SLC30A8: variants seen among roughly 807,000 people sequenced by gnomAD.
SLC30A8 encodes solute carrier family 30 member 8.
Under a neutral mutation model 36.9 loss-of-function variants are expected in SLC30A8, and 27 were observed. The observed-to-expected ratio is 0.73, with a 90% CI of 0.54 to 1.01. The LOEUF is 1.01. SLC30A8 is among the 50% of genes least tolerant of loss of function. SLC30A8 has a pLI of 0.00. For missense variants in SLC30A8, 439 were observed against 452.0 expected (o/e 0.97, Z 0.26); for synonymous variants, 164 against 172.4 (o/e 0.95, Z 0.38).
intron 1 of SLC30A8, among the ~76,000 whole-genome samples, chr8:117,036,592 C>T (rs557947896): frequency 1.1e-3 from 162 of 152,216 alleles, no homozygotes; most frequent in African/African-American, 3.3e-3. Flanking sequence ...GAAGCAGGCA[C>T]GTCTTACATG....
intron 1 of SLC30A8, among the ~76,000 whole-genome samples, chr8:117,016,211 T>C (rs1816513618): frequency 6.6e-6 from 1 of 152,182 alleles, no homozygotes; most frequent in African/African-American, 2.4e-5. Context: ...GGAAAGTAGT[T>C]TGTGGAAGCT....
Position 117,135,426 on chromosome 8 carries a change from A to G in SLC30A8, c.71+28A>G, listed in dbSNP as rs146720527. The G allele has an allele frequency of 1.8e-3, 2,731 of 1,542,498 alleles. 3 individuals carry two copies. Among genetic ancestry groups the G allele is most frequent in the Non-Finnish European group, 2.3e-3 (2,561 of 1,131,264 alleles). On this transcript the variant is annotated intron_variant, in intron 1 of 7. Transcript: ENST00000456015. ...AATAGATGTCTGTGTCTGCTTCACA[A>G]TTTTCTCTGTTGAATATCATCCAAT...
chr8:117,128,004 T>C (rs952435951), intron 2 of SLC30A8, among the ~76,000 whole-genome samples: 2 of 152,056 alleles, frequency 1.3e-5, no homozygotes, highest in African/African-American at 4.8e-5. Flanking sequence ...TCTGTCTAAA[T>C]TGCTTGAGTT....
At chr8:117,103,300 C>G (rs1401480217) in intron 2 of SLC30A8, among the ~76,000 whole-genome samples, 2 of 151,986 alleles carry the variant, frequency 1.3e-5, no homozygotes, top group Non-Finnish European at 2.9e-5. Flanking sequence ...TGCAACCCAG[C>G]AAGACAAGCA....
At chr8:117,107,233 AG>A (rs1446328105) in intron 2 of SLC30A8, among the ~76,000 whole-genome samples, 1 of 152,186 alleles carries the variant, frequency 6.6e-6, no homozygotes, top group Non-Finnish European at 1.5e-5. Context: ...TACCAATAAC[AG>A]GATGTCATAT....
intron 1 of SLC30A8, among the ~76,000 whole-genome samples, chr8:116,973,401 A>G (rs1021410425): frequency 6.6e-6 from 1 of 152,152 alleles, no homozygotes; most frequent in African/African-American, 2.4e-5. Context: ...ATAACAGACA[A>G]ACAGAGAGCC....
chr8:117,129,667 T>C (rs1821051286), intron 2 of SLC30A8, among the ~76,000 whole-genome samples: 1 of 152,086 alleles, frequency 6.6e-6, no homozygotes, highest in South Asian at 2.1e-4. Flanking sequence ...TGTCCTGATA[T>C]TATTTTTTAA....
At chr8:116,985,340 G>A (rs944106987) in intron 1 of SLC30A8, among the ~76,000 whole-genome samples, 1 of 147,674 alleles carries the variant, frequency 6.8e-6, no homozygotes, top group African/African-American at 2.5e-5. Context: ...ACACAAGTAT[G>A]TATATCTTTT....
At chr8:117,142,698 T>C (rs1425749994) in intron 1 of SLC30A8, among the ~76,000 whole-genome samples, 1 of 152,162 alleles carries the variant, frequency 6.6e-6, no homozygotes, top group African/African-American at 2.4e-5. Context: ...TATAACTTGC[T>C]GCTGAGATAT....
chr8:117,024,951 TACTC>T (rs1255371527), intron 1 of SLC30A8, among the ~76,000 whole-genome samples: 5 of 152,182 alleles, frequency 3.3e-5, no homozygotes, highest in Admixed American at 2.6e-4. Context: ...TTCTTCCTGA[TACTC>T]TCTCTTTCCC....
intron 1 of SLC30A8, among the ~76,000 whole-genome samples, chr8:117,027,248 C>T (rs1430572248): frequency 2.6e-5 from 4 of 152,124 alleles, no homozygotes; most frequent in Non-Finnish European, 4.4e-5. Context: ...AAGGCTGCAT[C>T]TACCTCTCAA....
rs1823626491 is a variant in SLC30A8 at position 117,175,353 on chromosome 8, T to TATC, written c.*2673_*2675dup. ...CATCATCCAGCACCTACTTAAGATT[T>TATC]ATCTAGGGCTCTGTGGTGATGTTAG... On this transcript the variant is annotated 3_prime_UTR_variant, in exon 8 of 8. Coordinates refer to ENST00000456015, the MANE Select transcript of SLC30A8 (RefSeq NM_173851.3). 6.6e-6 allele frequency: 1 copy of TATC among 152,250 alleles called. No homozygotes were observed. Among genetic ancestry groups the TATC allele is most frequent in the South Asian group, 2.1e-4 (1 of 4,832 alleles). 9.4% of individuals were successfully genotyped at this position (152,250 alleles called of 1,614,324 possible).
At chr8:117,117,304 A>C (rs1031462466) in intron 2 of SLC30A8, among the ~76,000 whole-genome samples, 1 of 151,668 alleles carries the variant, frequency 6.6e-6, no homozygotes, top group Non-Finnish European at 1.5e-5. Context: ...TTTATGAACA[A>C]AAAAAAAGAC....
chr8:117,133,489 T>C (rs1345843751), upstream of SLC30A8, among the ~76,000 whole-genome samples: 1 of 151,982 alleles, frequency 6.6e-6, no homozygotes, highest in Non-Finnish European at 1.5e-5. Flanking sequence ...AACTTCCAGA[T>C]TGTTTATTTC....
At chr8:117,117,546 T>A (rs1820495476) in intron 2 of SLC30A8, among the ~76,000 whole-genome samples, 1 of 151,796 alleles carries the variant, frequency 6.6e-6, no homozygotes, top group African/African-American at 2.4e-5. Context: ...TATGGAGAGG[T>A]TTTCAACTTT....
chr8:116,951,707 A>G (rs76085424), intron 1 of SLC30A8, among the ~76,000 whole-genome samples: 2,420 of 152,226 alleles, frequency 0.016, 49 homozygotes, highest in African/African-American at 0.054. Flanking sequence ...ATTGAACAGC[A>G]TGAATCTAAC....
At position 117,157,705 on chromosome 8, in the gene SLC30A8, C is replaced by G. The variant is rs1304896966; in HGVS notation, c.433C>G (p.Leu145Val). The G allele has an allele frequency of 9.3e-6, 15 of 1,613,936 alleles. No individual in the cohort carries two copies. Among genetic ancestry groups the G allele is most frequent in the Non-Finnish European group, 1.2e-5 (14 of 1,179,952 alleles). The change falls in exon 4 of 8, where the codon CTG (leucine) becomes GTG (valine). Residue 145 changes from leucine to valine, a missense_variant. By Grantham distance (32) the Leu-to-Val change is conservative (BLOSUM62 1). Coordinates refer to ENST00000456015, the MANE Select transcript of SLC30A8 (RefSeq NM_173851.3). ...GWHRAEILGA[L>V]LSILCIWVVT... ...TGAATTCCTAGAGATCCTTGGTGCCCTGCTCTCCATCCTGTGCATCTGGGT... is the reference window on the plus strand; with the variant it reads ...TGAATTCCTAGAGATCCTTGGTGCCGTGCTCTCCATCCTGTGCATCTGGGT...
At chr8:117,079,922 A>G (rs1369844667) in intron 2 of SLC30A8, among the ~76,000 whole-genome samples, 2 of 152,210 alleles carry the variant, frequency 1.3e-5, no homozygotes, top group African/African-American at 4.8e-5. Context: ...AAGCATCCAG[A>G]ATCCTAACAG....
At chr8:117,087,790 C>T (rs1174612266) in intron 2 of SLC30A8, among the ~76,000 whole-genome samples, 1 of 152,118 alleles carries the variant, frequency 6.6e-6, no homozygotes, top group East Asian at 1.9e-4. Flanking sequence ...TCTATTGCTT[C>T]TTTTTAATGT....
Sources: allele counts gnomAD v4.1 joint callset (sites outside exome capture counted in the v4.1 genomes callset), GRCh38; gene constraint gnomAD v4.1.1; transcripts MANE v1.5; gene names NCBI Gene and HGNC (gene_info 2026-07-23, HGNC 2026-07-21).